Variants in GDI2 observed in about 807,000 individuals in gnomAD.
GDI2 encodes the protein rab GDP dissociation inhibitor beta.
Under a neutral mutation model 54.2 loss-of-function variants are expected in GDI2, and 22 were observed. The ratio of observed to expected loss-of-function variants is 0.41; its 90% CI spans 0.29 to 0.58. The LOEUF is 0.58. Ranked by LOEUF, GDI2 falls within the 20% of genes least tolerant of loss-of-function variation. The pLI, the probability that GDI2 is intolerant of heterozygous loss-of-function variation, is 0.35. For missense variants in GDI2, 422 were observed against 546.0 expected, an observed-to-expected ratio of 0.77 and a Z score of 2.26; for synonymous variants, 177 against 182.1, an observed-to-expected ratio of 0.97 and a Z score of 0.23.
intron 3 of GDI2, among the ~76,000 whole-genome samples, chr10:5,795,582 A>G (rs1007628314): frequency 2.6e-5 from 4 of 152,142 alleles, no homozygotes; most frequent in Non-Finnish European, 4.4e-5. Flanking sequence ...AATTCTATCA[A>G]CTTGCTTTTG....
At chr10:5,782,833 T>C (rs1840790412) in intron 6 of GDI2, among the ~76,000 whole-genome samples, 1 of 152,152 alleles carries the variant, frequency 6.6e-6, no homozygotes, top group Non-Finnish European at 1.5e-5. Context: ...CTTGGGAGGC[T>C]GAGGCAGGAG....
rs535738410 is a variant in GDI2 at position 5,774,508 on chromosome 10, G to A, written c.720-567C>T. Among the ~76,000 whole-genome samples the A allele has an allele frequency of 1.1e-3, 164 of 152,126 alleles. No individual in the cohort carries two copies. Among genetic ancestry groups the A allele is most frequent in the African/African-American group, 3.7e-3 (155 of 41,504 alleles). ...CTGGAGGCGTTCAACCCCCATACAC[G>A]GTTTTCTTCTCCCCTTTCCACTCTC... is the stretch of plus-strand genomic sequence containing the variant. On this transcript the variant is annotated intron_variant, in intron 6 of 10. Transcript: ENST00000380191. This position sits in a 1 kb window ranked among gnomAD's most constrained non-coding sequence, Gnocchi z 4.8.
intron 1 of GDI2, among the ~76,000 whole-genome samples, chr10:5,807,299 T>C (rs11819483): frequency 0.01 from 1,566 of 152,328 alleles, 28 homozygotes; most frequent in African/African-American, 0.036. Context: ...TAAATTCTAC[T>C]ACAACCTATC....
chr10:5,810,289 T>C (rs376466238), intron 1 of GDI2, among the ~76,000 whole-genome samples: 3 of 152,022 alleles, frequency 2.0e-5, no homozygotes, highest in Non-Finnish European at 4.4e-5. Context: ...GAACAAAAAA[T>C]GGGAAGAAAA....
chr10:5,784,299 A>G (rs915923375), intron 6 of GDI2, among the ~76,000 whole-genome samples: 12 of 151,758 alleles, frequency 7.9e-5, no homozygotes, highest in African/African-American at 2.9e-4. Flanking sequence ...TATTTATGCT[A>G]TTTTCCTGGA....
intron 2 of GDI2, among the ~76,000 whole-genome samples, chr10:5,798,360 G>A (rs989926905): frequency 3.9e-5 from 6 of 152,132 alleles, no homozygotes; most frequent in African/African-American, 1.2e-4. Context: ...GGCCAAGGCA[G>A]GCAGATCACC....
At chr10:5,792,152 C>A (rs746642963) in intron 4 of GDI2, among the ~76,000 whole-genome samples, 1 of 152,120 alleles carries the variant, frequency 6.6e-6, no homozygotes, top group Non-Finnish European at 1.5e-5. Context: ...GCTTTATATA[C>A]CGTAAGAATA....
chr10:5,794,188 AATATATATAT>A (rs1165735549), intron 4 of GDI2, among the ~76,000 whole-genome samples: 691 of 40,226 alleles, frequency 0.017, 25 homozygotes, highest in South Asian at 0.072. Context: ...AAAAAAAAAA[AATATATATAT>A]ATATATATAT....
At chr10:5,800,836 T>G in intron 1 of GDI2, 131 bp from the exon 2 acceptor site, 1 of 648,380 alleles carries the variant, frequency 1.5e-6, no homozygotes, top group Non-Finnish European at 2.8e-6. Flanking sequence ...ACATAATTTA[T>G]GAAGAAAGCC....
chr10:5,779,684 A>T lies in GDI2; in HGVS notation c.719+5458T>A, dbSNP rs545620635. 2.9e-4 allele frequency among the ~76,000 whole-genome samples: 43 copies of T among 150,252 alleles called. 2 individuals carry two copies. The highest frequency in any genetic ancestry group is 9.7e-4 in the African/African-American group (40 of 41,068). ...GAAGCACAGAGAGGGGGAAAAAAAA[A>T]AGTTTGATGCTTTTTTTTTTTTTGT... On this transcript the variant is annotated intron_variant, in intron 6 of 10. Transcript: ENST00000380191.
chr10:5,813,286 G>A lies in GDI2; in HGVS notation c.-28C>T, dbSNP rs777671036. ...CGGGGCAGGCGCGGACGCAGGACCC[G>A]AGCAAGGAAAAGGCGCAGGGGCTCC... On this transcript the variant is annotated 5_prime_UTR_variant, in exon 1 of 11. Transcript: ENST00000380191. The A allele has an allele frequency of 2.6e-6, 4 of 1,561,576 alleles. No homozygotes were observed. The highest frequency in any genetic ancestry group is 1.2e-5 in the South Asian group (1 of 85,714).
At chr10:5,791,877 C>T (rs767342540) in intron 4 of GDI2, among the ~76,000 whole-genome samples, 1 of 152,044 alleles carries the variant, frequency 6.6e-6, no homozygotes, top group Non-Finnish European at 1.5e-5. Context: ...AATTGTGCCA[C>T]CGCACTCTAG....
Position 5,766,562 on chromosome 10 carries a change from A to C in GDI2, c.1068T>G (p.Thr356=), listed in dbSNP as rs1840340009. 1 of 1,613,616 alleles carries C rather than the reference A, an allele frequency of 6.2e-7. No individual in the cohort carries two copies. The highest frequency in any genetic ancestry group is 8.5e-7 in the Non-Finnish European group (1 of 1,179,528). Residue 356 remains threonine (T), a synonymous_variant, in exon 9 of 11, where the codon ACT becomes ACG. Transcript: ENST00000380191. The surrounding 1 kb of genome is among the most constrained non-coding windows in gnomAD (Gnocchi z 5.8). ...CCTTCTCAGGCTCCTTGGTTTCCAC[A>C]GTTGTACTAACTATAGCAATGTACT... ...QGKYIAIVST[T]VETKEPEKEI...
At chr10:5,798,168 A>T (rs993825419) in intron 2 of GDI2, among the ~76,000 whole-genome samples, 11 of 152,230 alleles carry the variant, frequency 7.2e-5, no homozygotes, top group African/African-American at 2.4e-4. Flanking sequence ...ATTAATTTAT[A>T]ATTCACATGA....
rs1180520154 is a variant in GDI2, at chr10:5,768,600, TC to T, written c.820-217del. ...CTCACTCACTAAAAAGCTACAGTGATCAATTCAGTGTGGTACTGGCATAATG... is the reference window on the plus strand; with the variant it reads ...CTCACTCACTAAAAAGCTACAGTGATAATTCAGTGTGGTACTGGCATAATG... On this transcript the variant is annotated intron_variant, in intron 7 of 10. Coordinates refer to ENST00000380191, the MANE Select transcript of GDI2 (RefSeq NM_001494.4). This position sits in a 1 kb window ranked among gnomAD's most constrained non-coding sequence, Gnocchi z 4.4. The T allele has an allele frequency of 1.1e-5, 6 of 544,584 alleles. No homozygotes were observed. The African/African-American group carries it at 1.1e-4, about 10-fold the overall frequency. 33.7% of individuals were successfully genotyped at this position (544,584 alleles called of 1,614,324 possible).
intron 4 of GDI2, among the ~76,000 whole-genome samples, chr10:5,794,016 T>C (rs979344597): frequency 1.3e-5 from 2 of 150,692 alleles, no homozygotes; most frequent in African/African-American, 4.9e-5. Flanking sequence ...ATACAAAAAT[T>C]AGCCGGGCGT....
chr10:5,776,846 G>C lies in GDI2; in HGVS notation c.720-2905C>G. On this transcript the variant is annotated intron_variant, in intron 6 of 10. Transcript: ENST00000380191. This position sits in a 1 kb window ranked among gnomAD's most constrained non-coding sequence, Gnocchi z 5.3. ...TATGGAGCTGAGGATATTCTGAAAG[G>C]ATTTATGAATAATTAAAATGGAAGG... The C allele has an allele frequency of 7.8e-7, 1 of 1,279,206 alleles. No homozygotes were observed. Among genetic ancestry groups the C allele is most frequent in the Non-Finnish European group, 1.1e-6 (1 of 916,478 alleles). The allele number at this position is 1,279,206 out of a possible 1,614,324, so 79.2% of individuals were successfully genotyped here.
At chr10:5,772,000 G>C (rs1023260853) in intron 7 of GDI2, among the ~76,000 whole-genome samples, 2 of 152,032 alleles carry the variant, frequency 1.3e-5, no homozygotes, top group Non-Finnish European at 2.9e-5. Context: ...TGAGGCAGGA[G>C]AATCACTTGA....
chr10:5,797,543 CAAAAAAAAAA>C (rs772570487), intron 2 of GDI2, among the ~76,000 whole-genome samples: 6 of 45,356 alleles, frequency 1.3e-4, no homozygotes, highest in African/African-American at 2.8e-4. Context: ...GACTCCATCT[CAAAAAAAAAA>C]AAAAAAAAAA....
Sources: allele counts gnomAD v4.1 joint callset (sites outside exome capture counted in the v4.1 genomes callset), GRCh38; gene constraint gnomAD v4.1.1; non-coding constraint Gnocchi (gnomAD v3.1); transcripts MANE v1.5; gene names NCBI Gene and HGNC (gene_info 2026-07-23, HGNC 2026-07-21).